HTR3B: variants seen among roughly 807,000 people sequenced by gnomAD.
HTR3B encodes 5-hydroxytryptamine receptor 3B.
Under a neutral mutation model 42.8 loss-of-function variants are expected in HTR3B, and 44 were observed. That is an observed-to-expected ratio of 1.03 (90% confidence interval 0.81 to 1.32). The LOEUF (loss-of-function observed/expected upper bound fraction) is 1.32, where lower values mean the gene tolerates loss of function less well. HTR3B is among the 40% of genes most tolerant of loss of function. The probability of loss-of-function intolerance (pLI) is 0.00; values close to 1 mark genes in which losing one functional copy is unlikely to be tolerated. For missense variants in HTR3B, 527 were observed against 536.5 expected, an observed-to-expected ratio of 0.98 and a Z score of 0.17; for synonymous variants, 203 against 209.0, an observed-to-expected ratio of 0.97 and a Z score of 0.25.
At chr11:113,900,101 T>C (rs1949687439), upstream of HTR3B, among the ~76,000 whole-genome samples, 1 of 151,946 alleles carries the variant, frequency 6.6e-6, no homozygotes, top group Admixed American at 6.5e-5. Flanking sequence ...CTACTAACAA[T>C]ACAAAAATTA....
chr11:113,945,752 G>T, intron 8 of HTR3B, 150 bp from the exon 9 acceptor site: 1 of 625,310 alleles, frequency 1.6e-6, no homozygotes, highest in South Asian at 1.9e-5. Flanking sequence ...TCGCCTAATC[G>T]GGTGGGGAGA....
intron 2 of HTR3B, among the ~76,000 whole-genome samples, chr11:113,921,638 T>C (rs1949915851): frequency 6.6e-6 from 1 of 151,666 alleles, no homozygotes; most frequent in Non-Finnish European, 1.5e-5. Flanking sequence ...AAAAAATTGC[T>C]CAGGCTTTCC....
intron 2 of HTR3B, among the ~76,000 whole-genome samples, chr11:113,924,285 GA>G (rs1565560944): frequency 6.6e-6 from 1 of 152,048 alleles, no homozygotes; most frequent in Non-Finnish European, 1.5e-5. Flanking sequence ...TTTAGTGGGT[GA>G]GACATAATCT....
At chr11:113,913,576 G>T (rs928806371) in intron 2 of HTR3B, among the ~76,000 whole-genome samples, 1 of 150,810 alleles carries the variant, frequency 6.6e-6, no homozygotes, top group Non-Finnish European at 1.5e-5. Flanking sequence ...GTGCAATGGC[G>T]CAATCTCGGC....
At chr11:113,901,120 G>C (rs532325931), upstream of HTR3B, among the ~76,000 whole-genome samples, 18 of 152,186 alleles carry the variant, frequency 1.2e-4, no homozygotes, top group South Asian at 3.7e-3. Context: ...ACTGAAGGGT[G>C]GGGAGAGGAG....
intron 2 of HTR3B, among the ~76,000 whole-genome samples, chr11:113,927,451 C>T (rs578104009): frequency 6.6e-5 from 10 of 152,182 alleles, no homozygotes; most frequent in Non-Finnish European, 8.8e-5. Context: ...AAAAAATTCA[C>T]GTAATTCAAA....
At chr11:113,915,172 C>T (rs1026789076) in intron 2 of HTR3B, among the ~76,000 whole-genome samples, 5 of 151,798 alleles carry the variant, frequency 3.3e-5, no homozygotes. Flanking sequence ...AAAGAGCCAA[C>T]TTTGGGCTTT....
chr11:113,944,805 A>G (rs776365314), intron 8 of HTR3B, 50 bp downstream of exon 8: 2 of 1,566,864 alleles, frequency 1.3e-6, no homozygotes, highest in South Asian at 1.1e-5. Flanking sequence ...ATCACCTTAA[A>G]AATTCATTCC....
Position 113,909,279 on chromosome 11 carries a change from A to G in HTR3B, c.53-16A>G, listed in dbSNP as rs1260581484. 1.2e-6 allele frequency: 2 copies of G among 1,604,822 alleles called. No homozygotes were observed. Among genetic ancestry groups the G allele is most frequent in the Admixed American group, 1.7e-5 (1 of 59,984 alleles). On this transcript the variant is annotated splice_polypyrimidine_tract_variant and intron_variant, in intron 1 of 8. Transcript: ENST00000260191. ...TCCTCTTACTTTTATCTTCACAATG[A>G]TAGTTTATTTTCCAGGAATTCTAGC...
At chr11:113,942,941 G>A in intron 6 of HTR3B, 41 bp from the exon 7 acceptor site, 1 of 1,578,938 alleles carries the variant, frequency 6.3e-7, no homozygotes, top group East Asian at 2.2e-5. Context: ...GAGTCTGTTG[G>A]CCTAGATCCT....
intron 2 of HTR3B, among the ~76,000 whole-genome samples, chr11:113,912,537 C>T (rs1037071745): frequency 9.2e-5 from 14 of 152,214 alleles, no homozygotes; most frequent in Non-Finnish European, 2.1e-4. Flanking sequence ...GCCACCGTGC[C>T]CGGCGTTTCC....
intron 2 of HTR3B, 37 bp from the exon 3 acceptor site, chr11:113,931,347 T>G: frequency 6.6e-7 from 1 of 1,526,220 alleles, no homozygotes; most frequent in South Asian, 1.2e-5. Context: ...TTATTGACAT[T>G]CTAAGATTTG....
chr11:113,921,331 A>G (rs1232846760), intron 2 of HTR3B, among the ~76,000 whole-genome samples: 1 of 151,732 alleles, frequency 6.6e-6, no homozygotes, highest in Admixed American at 6.6e-5. Flanking sequence ...CTTTTAGTAG[A>G]GACGGGGTTT....
At chr11:113,928,406 C>T (rs989989224) in intron 2 of HTR3B, among the ~76,000 whole-genome samples, 3 of 152,178 alleles carry the variant, frequency 2.0e-5, no homozygotes, top group East Asian at 1.9e-4. Context: ...TGTTTTCAGT[C>T]TCTATGAATT....
At chr11:113,918,268 C>CGTGTGTGTGTGTGT (rs60519849) in intron 2 of HTR3B, among the ~76,000 whole-genome samples, 10 of 146,870 alleles carry the variant, frequency 6.8e-5, no homozygotes, top group Admixed American at 5.5e-4. Flanking sequence ...TGTGTGTACT[C>CGTGTGTGTGTGTGT]GTGTGTGTGT....
At chr11:113,909,756 G>A (rs1333133331) in intron 2 of HTR3B, among the ~76,000 whole-genome samples, 2 of 152,098 alleles carry the variant, frequency 1.3e-5, no homozygotes, top group East Asian at 3.9e-4. Flanking sequence ...GCCAAGGTAG[G>A]CAGATCACTT....
intron 6 of HTR3B, among the ~76,000 whole-genome samples, chr11:113,940,033 C>T (rs1362958461): frequency 6.6e-6 from 1 of 152,046 alleles, no homozygotes; most frequent in Non-Finnish European, 1.5e-5. Flanking sequence ...ACTACAGGCA[C>T]ATGCCACCAC....
chr11:113,925,056 G>A (rs1000414678), intron 2 of HTR3B, among the ~76,000 whole-genome samples: 1 of 152,120 alleles, frequency 6.6e-6, no homozygotes, highest in South Asian at 2.1e-4. Context: ...GCCACCTGGC[G>A]CAGAGCCACT....
intron 8 of HTR3B, among the ~76,000 whole-genome samples, chr11:113,944,976 G>T (rs1455322999): frequency 6.6e-6 from 1 of 152,024 alleles, no homozygotes; most frequent in Non-Finnish European, 1.5e-5. Context: ...TGTTTGTTTT[G>T]GTTTGGTTTT....
Sources: allele counts gnomAD v4.1 joint callset (sites outside exome capture counted in the v4.1 genomes callset), GRCh38; gene constraint gnomAD v4.1.1; transcripts MANE v1.5; gene names NCBI Gene and HGNC (gene_info 2026-07-23, HGNC 2026-07-21).